The following IMPG2 variants were observed in gnomAD, a reference collection of about 807,000 sequenced individuals.
IMPG2 encodes IPM 200.
IMPG2 carries 91 observed loss-of-function variants against 129.2 expected under a neutral mutation model. The ratio of observed to expected loss-of-function variants is 0.70; its 90% CI spans 0.59 to 0.84. The LOEUF (loss-of-function observed/expected upper bound fraction) is 0.84, where lower values mean the gene tolerates loss of function less well. Among genes scored for constraint, IMPG2 ranks in the 40% least tolerant of loss-of-function variants. The pLI is 0.00. For missense variants in IMPG2, 1,430 were observed against 1,461.7 expected (o/e 0.98, Z 0.35); for synonymous variants, 510 against 517.7 (o/e 0.99, Z 0.20).
intron 4 of IMPG2, among the ~76,000 whole-genome samples, chr3:101,291,048 T>C (rs74605687): frequency 6.6e-6 from 1 of 152,304 alleles, no homozygotes; most frequent in Non-Finnish European, 1.5e-5. Flanking sequence ...AGAATCATAA[T>C]AGGTTATGCT....
At chr3:101,251,037 G>A (rs1706538451) in intron 11 of IMPG2, among the ~76,000 whole-genome samples, 1 of 152,106 alleles carries the variant, frequency 6.6e-6, no homozygotes, top group Non-Finnish European at 1.5e-5. Context: ...TTCCAGAGAT[G>A]TGTTAAAGCT....
At chr3:101,281,707 T>C (rs1211791164) in intron 4 of IMPG2, among the ~76,000 whole-genome samples, 1 of 152,190 alleles carries the variant, frequency 6.6e-6, no homozygotes, top group Non-Finnish European at 1.5e-5. Context: ...AGGCAGAGTA[T>C]GCTGGGTTAT....
chr3:101,233,703 G>A (rs923580130), intron 14 of IMPG2, among the ~76,000 whole-genome samples: 3 of 152,054 alleles, frequency 2.0e-5, no homozygotes, highest in African/African-American at 7.2e-5. Context: ...ACCATGAATG[G>A]GCCTTCCATC....
At chr3:101,280,874 C>T (rs1489022855) in intron 4 of IMPG2, among the ~76,000 whole-genome samples, 2 of 151,716 alleles carry the variant, frequency 1.3e-5, no homozygotes, top group African/African-American at 2.4e-5. Context: ...GCTTGAACGT[C>T]AGAGGTGGAG....
At chr3:101,235,668 G>A (rs969465028) in intron 14 of IMPG2, among the ~76,000 whole-genome samples, 7 of 152,148 alleles carry the variant, frequency 4.6e-5, no homozygotes, top group African/African-American at 1.4e-4. Context: ...TTAAGAAAGG[G>A]TGCCCAGGTA....
At chr3:101,276,603 G>C (rs1706842538) in intron 5 of IMPG2, 61 bp downstream of exon 5, 1 of 1,120,056 alleles carries the variant, frequency 8.9e-7, no homozygotes, top group South Asian at 1.3e-5. Flanking sequence ...ACTTGTTTGT[G>C]AGCCTGTCTT....
intron 7 of IMPG2, among the ~76,000 whole-genome samples, chr3:101,269,923 A>ATTTT (rs1559649689): frequency 7.5e-6 from 1 of 133,986 alleles, no homozygotes; most frequent in African/African-American, 2.7e-5. Context: ...ATTTTATTTT[A>ATTTT]TTCTTTTTTT....
chr3:101,255,041 T>A (rs140157411), intron 10 of IMPG2, among the ~76,000 whole-genome samples: 122 of 152,190 alleles, frequency 8.0e-4, no homozygotes, highest in African/African-American at 2.9e-3. Flanking sequence ...GATTTTAAGT[T>A]TCCTGAGGCC....
intron 2 of IMPG2, among the ~76,000 whole-genome samples, chr3:101,314,396 A>G (rs1392249554): frequency 2.6e-5 from 4 of 152,108 alleles, no homozygotes; most frequent in Non-Finnish European, 5.9e-5. Context: ...GTAACCATAT[A>G]TATCAGTCAA....
intron 4 of IMPG2, among the ~76,000 whole-genome samples, chr3:101,281,725 G>T (rs1279751267): frequency 1.3e-5 from 2 of 152,166 alleles, no homozygotes; most frequent in African/African-American, 4.8e-5. Context: ...TATCCAGTAG[G>T]CTCCATGTAA....
chr3:101,258,741 T>G (rs896303061), intron 9 of IMPG2, among the ~76,000 whole-genome samples: 1 of 152,184 alleles, frequency 6.6e-6, no homozygotes, highest in African/African-American at 2.4e-5. Flanking sequence ...TAAATAAGCA[T>G]GAGTTGATGT....
chr3:101,255,709 G>A (rs1332861998), intron 10 of IMPG2, among the ~76,000 whole-genome samples: 1 of 152,094 alleles, frequency 6.6e-6, no homozygotes, highest in African/African-American at 2.4e-5. Context: ...AGCATTGCCA[G>A]AGGGACTTCA....
intron 3 of IMPG2, among the ~76,000 whole-genome samples, chr3:101,293,409 C>A (rs370504280): frequency 6.6e-6 from 1 of 152,184 alleles, no homozygotes; most frequent in African/African-American, 2.4e-5. Flanking sequence ...ATTTTCTGAG[C>A]AGTAGGTTTC....
chr3:101,319,954 C>G, intron 1 of IMPG2, 122 bp from the exon 2 acceptor site: 1 of 999,658 alleles, frequency 1.0e-6, no homozygotes, highest in South Asian at 1.4e-5. Flanking sequence ...AAATCATAGG[C>G]AGGCATGCAT....
At chr3:101,261,194 G>A (rs962124227) in intron 9 of IMPG2, among the ~76,000 whole-genome samples, 3 of 152,114 alleles carry the variant, frequency 2.0e-5, no homozygotes, top group Admixed American at 6.6e-5. Context: ...CCAGAAAGGT[G>A]AGTTTCTTTT....
At chr3:101,254,500 G>A (rs2107230639) in intron 10 of IMPG2, among the ~76,000 whole-genome samples, 1 of 152,056 alleles carries the variant, frequency 6.6e-6, no homozygotes, top group South Asian at 2.1e-4. Context: ...CGGGGGAGAG[G>A]GAATCAATAA....
intron 9 of IMPG2, among the ~76,000 whole-genome samples, chr3:101,265,808 T>G (rs1706715924): frequency 6.6e-6 from 1 of 152,120 alleles, no homozygotes; most frequent in Non-Finnish European, 1.5e-5. Flanking sequence ...TTATCTGACA[T>G]GGGATCAATA....
intron 18 of IMPG2, among the ~76,000 whole-genome samples, chr3:101,227,348 C>G (rs1003153404): frequency 6.6e-6 from 1 of 152,208 alleles, no homozygotes; most frequent in African/African-American, 2.4e-5. Context: ...TTTCTTTTGT[C>G]TCACAGGGTC....
rs770285645 is a variant in IMPG2 at position 101,304,332 on chromosome 3, T to A, written c.335-20A>T. ...GACACACTAGAAAATAGAGAGGTGTTTTTTTACAAAAAGCTAACATGCTCT... is the reference window on the plus strand; with the variant it reads ...GACACACTAGAAAATAGAGAGGTGTATTTTTACAAAAAGCTAACATGCTCT... On this transcript the variant is annotated intron_variant, in intron 2 of 18. Transcript: ENST00000193391. The A allele has an allele frequency of 2.5e-6, 4 of 1,612,532 alleles. 1 individual carries two copies. In the South Asian group the frequency reaches 4.4e-5, roughly 18 times the overall value.
Sources: allele counts gnomAD v4.1 joint callset (sites outside exome capture counted in the v4.1 genomes callset), GRCh38; gene constraint gnomAD v4.1.1; transcripts MANE v1.5; gene names NCBI Gene and HGNC (gene_info 2026-07-23, HGNC 2026-07-21).